The following IPCEF1 variants were observed in gnomAD, a reference collection of about 807,000 sequenced individuals.
The protein encoded by IPCEF1 is interactor protein for cytohesin exchange factors 1.
A neutral mutation model predicts 50.9 loss-of-function variants in IPCEF1; 31 were observed. The ratio of observed to expected loss-of-function variants is 0.61; its 90% CI spans 0.46 to 0.82. The LOEUF (loss-of-function observed/expected upper bound fraction) is 0.82. IPCEF1 is among the 40% of genes least tolerant of loss of function. The pLI, the probability that IPCEF1 is intolerant of heterozygous loss-of-function variation, is 0.00. For missense variants in IPCEF1, 458 were observed against 514.0 expected (o/e 0.89, Z 1.05); for synonymous variants, 181 against 192.0 (o/e 0.94, Z 0.47).
intron 9 of IPCEF1, among the ~76,000 whole-genome samples, chr6:154,202,638 C>T (rs946873351): frequency 1.3e-5 from 2 of 152,074 alleles, no homozygotes; most frequent in Non-Finnish European, 2.9e-5. Flanking sequence ...AACAACAGAC[C>T]ATGTACACAG....
chr6:154,172,406 C>T (rs1045816962), intron 10 of IPCEF1, among the ~76,000 whole-genome samples: 17 of 152,300 alleles, frequency 1.1e-4, no homozygotes, highest in African/African-American at 2.6e-4. Flanking sequence ...CATGAGTAAC[C>T]GTACCTGGAG....
intron 3 of IPCEF1, among the ~76,000 whole-genome samples, chr6:154,258,303 C>A (rs1781511648): frequency 6.6e-6 from 1 of 152,164 alleles, no homozygotes; most frequent in African/African-American, 2.4e-5. Context: ...GGAACTTCAG[C>A]TTGGTGTGGT....
intron 2 of IPCEF1, among the ~76,000 whole-genome samples, chr6:154,287,538 C>T (rs1233750901): frequency 6.6e-6 from 1 of 152,180 alleles, no homozygotes; most frequent in Non-Finnish European, 1.5e-5. Context: ...AAGCAGTTTG[C>T]CCAAGGTCAT....
chr6:154,328,997 T>C (rs1783590936), intron 1 of IPCEF1, among the ~76,000 whole-genome samples: 1 of 152,192 alleles, frequency 6.6e-6, no homozygotes, highest in Non-Finnish European at 1.5e-5. Flanking sequence ...AATTTATATC[T>C]TTTTTCAAAG....
At chr6:154,225,737 G>A (rs925472095) in intron 5 of IPCEF1, among the ~76,000 whole-genome samples, 31 of 152,326 alleles carry the variant, frequency 2.0e-4, no homozygotes, top group Middle Eastern at 6.8e-3. Flanking sequence ...AGTAATTAAT[G>A]TTAGGTTGTA....
At chr6:154,286,381 C>T (rs1782359784) in intron 2 of IPCEF1, among the ~76,000 whole-genome samples, 1 of 152,146 alleles carries the variant, frequency 6.6e-6, no homozygotes, top group African/African-American at 2.4e-5. Flanking sequence ...TTAAAAAGAA[C>T]TATGTCTATA....
At chr6:154,241,627 C>T (rs1166319996) in intron 5 of IPCEF1, among the ~76,000 whole-genome samples, 4 of 152,232 alleles carry the variant, frequency 2.6e-5, no homozygotes, top group South Asian at 4.1e-4. Flanking sequence ...TTGCGTAGTG[C>T]GCCCTACATT....
At chr6:154,233,703 G>C (rs1008317061) in intron 5 of IPCEF1, among the ~76,000 whole-genome samples, 1 of 152,172 alleles carries the variant, frequency 6.6e-6, no homozygotes, top group Non-Finnish European at 1.5e-5. Context: ...CTGCAGTAAG[G>C]AGATCAGTTA....
At position 154,159,345 on chromosome 6, in the gene IPCEF1, G is replaced by A. The variant is rs1798840449; in HGVS notation, c.*483C>T. ...AGGAATTTTTGTTCTGCAACACCACGTTTGTCCTTCCAGTCACTGCTCTAG... is the reference window on the plus strand; with the variant it reads ...AGGAATTTTTGTTCTGCAACACCACATTTGTCCTTCCAGTCACTGCTCTAG... On this transcript the variant is annotated 3_prime_UTR_variant, in exon 12 of 12. Coordinates refer to ENST00000367220, the MANE Select transcript of IPCEF1 (RefSeq NM_001130700.2). 2 of 163,240 alleles carry A rather than the reference G, an allele frequency of 1.2e-5. No homozygotes were observed. The highest frequency in any genetic ancestry group is 2.6e-5 in the Non-Finnish European group (2 of 76,242). The allele number at this position is 163,240 out of a possible 1,614,324, so 10.1% of individuals were successfully genotyped here.
At chr6:154,285,837 G>T (rs1432454782) in intron 2 of IPCEF1, among the ~76,000 whole-genome samples, 2 of 152,120 alleles carry the variant, frequency 1.3e-5, no homozygotes, top group Non-Finnish European at 2.9e-5. Context: ...GGCCCCACAC[G>T]TTTCTGTACT....
At chr6:154,342,519 T>C (rs1179288044) in intron 1 of IPCEF1, among the ~76,000 whole-genome samples, 1 of 152,148 alleles carries the variant, frequency 6.6e-6, no homozygotes, top group Admixed American at 6.5e-5. Context: ...CTTTTGCGAC[T>C]CAAGTGATCC....
chr6:154,235,302 G>A (rs1281095315), intron 5 of IPCEF1, among the ~76,000 whole-genome samples: 7 of 152,122 alleles, frequency 4.6e-5, no homozygotes, highest in Non-Finnish European at 8.8e-5. Flanking sequence ...AGGCCAAGGC[G>A]GGCAGATCAC....
intron 2 of IPCEF1, among the ~76,000 whole-genome samples, chr6:154,269,394 G>A (rs1399902769): frequency 6.6e-6 from 1 of 152,142 alleles, no homozygotes; most frequent in Admixed American, 6.5e-5. Context: ...GAGACAGCTA[G>A]GGATTGATGT....
rs1231712792 is a variant in IPCEF1 at position 154,264,243 on chromosome 6, T to A, written c.36+1669A>T. The stretch of plus-strand genomic sequence containing the variant: ...CTACAATGCATGACTTCTTTTTTTT[T>A]AAAGAAACACCTTATCATTTGTTGG... On this transcript the variant is annotated intron_variant, in intron 3 of 11. Transcript: ENST00000367220. Among the ~76,000 whole-genome samples the A allele has an allele frequency of 2.0e-5, 3 of 150,610 alleles. 1 individual carries two copies. The highest frequency in any genetic ancestry group is 7.5e-5 in the African/African-American group (3 of 39,972).
chr6:154,272,663 TAAAG>T (rs1781927730), intron 2 of IPCEF1, among the ~76,000 whole-genome samples: 1 of 152,252 alleles, frequency 6.6e-6, no homozygotes, highest in African/African-American at 2.4e-5. Context: ...CATATATTAA[TAAAG>T]AATCATTCCA....
At chr6:154,165,119 T>C (rs1799323104) in intron 11 of IPCEF1, among the ~76,000 whole-genome samples, 2 of 152,134 alleles carry the variant, frequency 1.3e-5, no homozygotes, top group Admixed American at 6.5e-5. Context: ...CATAAACATT[T>C]CCTCTGTGTA....
At chr6:154,214,031 A>G (rs1778182356) in intron 8 of IPCEF1, among the ~76,000 whole-genome samples, 187 bp downstream of exon 8, 1 of 152,194 alleles carries the variant, frequency 6.6e-6, no homozygotes, top group Admixed American at 6.5e-5. Flanking sequence ...CAGCATGGGA[A>G]GCTCTATTCC....
intron 1 of IPCEF1, among the ~76,000 whole-genome samples, chr6:154,317,108 T>A (rs1256863019): frequency 6.6e-6 from 1 of 151,972 alleles, no homozygotes; most frequent in African/African-American, 2.4e-5. Context: ...AAGAAAAAAA[T>A]TCTAATCACA....
At chr6:154,348,219 G>T (rs774398589) in intron 1 of IPCEF1, among the ~76,000 whole-genome samples, 1 of 152,136 alleles carries the variant, frequency 6.6e-6, no homozygotes, top group Admixed American at 6.5e-5. Context: ...CTCAAACCTT[G>T]CTCCACAGTC....
Sources: gnomAD v4.1 joint callset for allele counts (sites outside exome capture counted in the v4.1 genomes callset) on GRCh38, gnomAD v4.1.1 for gene constraint, MANE v1.5 for transcripts, NCBI Gene and HGNC (gene_info 2026-07-23, HGNC 2026-07-21) for gene names.